The following NRG1 variants were observed in gnomAD, a reference collection of about 807,000 sequenced individuals.
NRG1 encodes neuregulin 1.
In NRG1, 18 loss-of-function variants were observed where a neutral mutation model predicts 63.8. That is an observed-to-expected ratio of 0.28 (90% CI 0.19 to 0.42). The LOEUF (loss-of-function observed/expected upper bound fraction) is 0.42, where lower values mean the gene tolerates loss of function less well. Among genes scored for constraint, NRG1 ranks in the 10% least tolerant of loss-of-function variants. NRG1 has a pLI of 1.00. For missense variants in NRG1, 762 were observed against 814.7 expected (o/e 0.94, Z 0.79); for synonymous variants, 302 against 301.3 (o/e 1.00, Z -0.02).
chr8:32,290,615 C>T (rs1854080830), intron 1 of NRG1, among the ~76,000 whole-genome samples: 1 of 152,068 alleles, frequency 6.6e-6, no homozygotes, highest in Non-Finnish European at 1.5e-5. Context: ...TGTCTTATGC[C>T]CACGTGAAGT....
At chr8:32,703,499 C>T (rs549314865) in intron 5 of NRG1, among the ~76,000 whole-genome samples, 2 of 144,696 alleles carry the variant, frequency 1.4e-5, no homozygotes, top group East Asian at 4.0e-4. Flanking sequence ...TGCCACTGCA[C>T]TGTAGCCTGG....
chr8:31,801,936 T>C (rs1031155726), intron 1 of NRG1, among the ~76,000 whole-genome samples: 2 of 152,226 alleles, frequency 1.3e-5, no homozygotes, highest in Admixed American at 6.5e-5. Flanking sequence ...CTGCTTTCAC[T>C]AGAAAGACAT....
chr8:32,548,674 C>T (rs771496226), exon 1 of NRG1: 21 of 1,539,750 alleles, frequency 1.4e-5, no homozygotes, highest in Non-Finnish European at 1.8e-5. Context: ...GCCCTTGGAC[C>T]AAACTCGCCT....
chr8:32,422,739 G>T (rs780341099), intron 1 of NRG1, among the ~76,000 whole-genome samples: 2 of 152,194 alleles, frequency 1.3e-5, no homozygotes, highest in South Asian at 4.1e-4. Flanking sequence ...TTGGCTCTTT[G>T]CCAAGCTGAT....
chr8:31,988,057 T>C (rs1373595357), intron 1 of NRG1, among the ~76,000 whole-genome samples: 1 of 152,138 alleles, frequency 6.6e-6, no homozygotes, highest in African/African-American at 2.4e-5. Flanking sequence ...ACACTAACTG[T>C]AATAGTACTT....
intron 1 of NRG1, among the ~76,000 whole-genome samples, chr8:32,366,651 T>C (rs1301975227): frequency 9.7e-6 from 1 of 103,232 alleles, no homozygotes; most frequent in Non-Finnish European, 2.0e-5. Context: ...ATGTAATATA[T>C]ATTGTGTGTG....
intron 1 of NRG1, among the ~76,000 whole-genome samples, chr8:32,119,931 C>T (rs1215633069): frequency 6.6e-6 from 1 of 152,046 alleles, no homozygotes; most frequent in African/African-American, 2.4e-5. Context: ...AATTGATTAC[C>T]ATGATGTCAT....
At chr8:32,654,065 T>C (rs1855745322) in intron 5 of NRG1, among the ~76,000 whole-genome samples, 1 of 152,136 alleles carries the variant, frequency 6.6e-6, no homozygotes, top group Non-Finnish European at 1.5e-5. Flanking sequence ...AGAGATTATT[T>C]GTGTCACTTC....
At chr8:32,164,049 G>A (rs13249590) in intron 1 of NRG1, among the ~76,000 whole-genome samples, 67,921 of 151,946 alleles carry the variant, frequency 0.45, 16,980 homozygotes, top group Admixed American at 0.57. Flanking sequence ...GTGAACATTC[G>A]ATTCATTTCT....
intron 7 of NRG1, among the ~76,000 whole-genome samples, chr8:32,746,857 G>A (rs546496598): frequency 2.4e-4 from 35 of 144,134 alleles, no homozygotes; most frequent in East Asian, 1.9e-3. Flanking sequence ...AAAAGTGTTC[G>A]TGTATTCTGC....
At chr8:32,215,305 A>T (rs1845099326) in intron 1 of NRG1, among the ~76,000 whole-genome samples, 1 of 152,198 alleles carries the variant, frequency 6.6e-6, no homozygotes, top group Admixed American at 6.5e-5. Flanking sequence ...ATTTCGTGCT[A>T]TAGCTCCTCT....
At chr8:31,855,236 T>C (rs1384951877) in intron 1 of NRG1, among the ~76,000 whole-genome samples, 3 of 152,262 alleles carry the variant, frequency 2.0e-5, no homozygotes, top group African/African-American at 4.8e-5. Flanking sequence ...ATTAACAATG[T>C]GTGGGAGTCT....
At chr8:32,600,880 A>T (rs1844226365) in intron 2 of NRG1, among the ~76,000 whole-genome samples, 2 of 152,144 alleles carry the variant, frequency 1.3e-5, no homozygotes, top group African/African-American at 4.8e-5. Flanking sequence ...AAGAGCAAAA[A>T]GTTAAATTTA....
intron 1 of NRG1, among the ~76,000 whole-genome samples, chr8:31,793,409 T>C (rs1453950958): frequency 6.6e-6 from 1 of 152,194 alleles, no homozygotes; most frequent in Non-Finnish European, 1.5e-5. Context: ...GAAAAGGGGC[T>C]TCACTCAGTG....
At chr8:32,260,735 A>G (rs1319662326) in intron 1 of NRG1, among the ~76,000 whole-genome samples, 1 of 152,146 alleles carries the variant, frequency 6.6e-6, no homozygotes. Flanking sequence ...TAGCAAAAGG[A>G]AATCTCTCAA....
chr8:32,457,916 CTT>C (rs11332070), intron 1 of NRG1, among the ~76,000 whole-genome samples: 7 of 147,688 alleles, frequency 4.7e-5, no homozygotes, highest in South Asian at 2.1e-4. Context: ...CGTAAAGCAA[CTT>C]TTTTTTTTTT....
intron 1 of NRG1, among the ~76,000 whole-genome samples, chr8:32,134,393 A>G (rs1326955972): frequency 6.6e-6 from 1 of 152,164 alleles, no homozygotes; most frequent in Non-Finnish European, 1.5e-5. Flanking sequence ...AAAGGCCTCC[A>G]GATGGCCAGA....
intron 1 of NRG1, among the ~76,000 whole-genome samples, chr8:32,051,753 G>A (rs1022396953): frequency 3.3e-5 from 5 of 152,024 alleles, no homozygotes; most frequent in Non-Finnish European, 7.4e-5. Context: ...ATGTGAGAGG[G>A]GGAATGATGG....
intron 1 of NRG1, among the ~76,000 whole-genome samples, chr8:31,905,071 G>T (rs1266585126): frequency 6.6e-6 from 1 of 151,916 alleles, no homozygotes; most frequent in Non-Finnish European, 1.5e-5. Context: ...GGTGGCCATT[G>T]TGGACATCAT....
Sources: gnomAD v4.1 joint callset for allele counts (sites outside exome capture counted in the v4.1 genomes callset) on GRCh38, gnomAD v4.1.1 for gene constraint, MANE v1.5 for transcripts, NCBI Gene and HGNC (gene_info 2026-07-23, HGNC 2026-07-21) for gene names.